Variants in UBE2R2 observed in about 807,000 individuals in gnomAD.
UBE2R2 encodes ubiquitin conjugating enzyme E2 R2, also known as ubiquitin-conjugating enzyme E2 R2.
A neutral mutation model predicts 27.8 loss-of-function variants in UBE2R2; 1 was observed. The observed-to-expected ratio is 0.04, with a 90% CI of 0.01 to 0.17. The LOEUF (loss-of-function observed/expected upper bound fraction) is 0.17. Ranked by LOEUF, UBE2R2 falls within the 10% of genes least tolerant of loss-of-function variation. The pLI is 1.00. For synonymous variants in UBE2R2, 106 were observed against 113.3 expected, an observed-to-expected ratio of 0.94 and a Z score of 0.41; for missense variants, 100 against 291.0, an observed-to-expected ratio of 0.34 and a Z score of 4.78.
Position 33,887,112 on chromosome 9 carries a change from T to C in UBE2R2, c.264+145T>C, listed in dbSNP as rs1821877363. On this transcript the variant is annotated intron_variant, in intron 2 of 4. Transcript: ENST00000263228. ...TGATTTTGCACTTCAGTTAACAGTT[T>C]CTGGATTAATTATTTAACATTAGTG... 9 of 660,436 alleles carry C rather than the reference T, an allele frequency of 1.4e-5. No homozygotes were observed. In the South Asian group the frequency reaches 1.7e-4, roughly 13 times the overall value. 40.9% of individuals were successfully genotyped at this position (660,436 alleles called of 1,614,324 possible). A position where few individuals can be genotyped will look rare whatever the true frequency, so the allele number is the denominator to read the frequency against.
In UBE2R2 at chr9:33,914,874, C is replaced by T. The variant is rs111983567; in HGVS notation, c.498-2144C>T. Among the ~76,000 whole-genome samples, 435 of 151,546 alleles carry T rather than the reference C, an allele frequency of 2.9e-3. 7 individuals are homozygous for T. The highest frequency in any genetic ancestry group is 9.8e-3 in the African/African-American group (406 of 41,328). ...ACAGTCAGCTGGGCACAGTGGCTCA[C>T]GCCTGTAATCCCAGGACTTTGGGAG... is the stretch of plus-strand genomic sequence containing the variant. On this transcript the variant is annotated intron_variant, in intron 4 of 4. Coordinates refer to ENST00000263228, the MANE Select transcript of UBE2R2 (RefSeq NM_017811.4).
intron 1 of UBE2R2, among the ~76,000 whole-genome samples, chr9:33,862,940 C>G (rs181477651): frequency 6.6e-6 from 1 of 152,078 alleles, no homozygotes; most frequent in East Asian, 1.9e-4. Context: ...TGGCTCACAT[C>G]TGCTTTGGGA....
At chr9:33,899,536 G>A (rs1378410005) in intron 2 of UBE2R2, among the ~76,000 whole-genome samples, 3 of 152,092 alleles carry the variant, frequency 2.0e-5, no homozygotes, top group Admixed American at 6.6e-5. Flanking sequence ...TACCACGCCC[G>A]GCTAATTTTT....
At chr9:33,915,295 G>A (rs1822615677) in intron 4 of UBE2R2, among the ~76,000 whole-genome samples, 1 of 152,124 alleles carries the variant, frequency 6.6e-6, no homozygotes, top group African/African-American at 2.4e-5. Flanking sequence ...TTTATTCAGA[G>A]AAGTAAAATG....
At chr9:33,877,823 GTCTCTC>G (rs1554675184) in intron 1 of UBE2R2, among the ~76,000 whole-genome samples, 8 of 131,098 alleles carry the variant, frequency 6.1e-5, no homozygotes, top group Admixed American at 1.5e-4. Flanking sequence ...CTGTCTGTCT[GTCTCTC>G]TCTCTCTCTC....
At position 33,846,393 on chromosome 9, in the gene UBE2R2, A is replaced by AT. The variant is rs554745705; in HGVS notation, c.177+28467dup. 2.5e-3 allele frequency among the ~76,000 whole-genome samples: 380 copies of AT among 152,026 alleles called. 3 individuals carry two copies. Among genetic ancestry groups the AT allele is most frequent in the African/African-American group, 8.2e-3 (341 of 41,478 alleles). On this transcript the variant is annotated intron_variant, in intron 1 of 4. Coordinates refer to ENST00000263228, the MANE Select transcript of UBE2R2 (RefSeq NM_017811.4). ...ATTTGGTAATGTCTATGAATAGTGT[A>AT]TTTTTTTTAGGATAGTTACATTGTC...
intron 1 of UBE2R2, among the ~76,000 whole-genome samples, chr9:33,863,962 G>A (rs911698505): frequency 5.9e-5 from 9 of 151,926 alleles, no homozygotes; most frequent in African/African-American, 1.7e-4. Flanking sequence ...CTGGGATTAC[G>A]GGCATGTACC....
intron 1 of UBE2R2, among the ~76,000 whole-genome samples, chr9:33,828,941 G>T (rs964042732): frequency 2.0e-5 from 3 of 152,008 alleles, no homozygotes; most frequent in Non-Finnish European, 1.5e-5. Context: ...CACCCTGTTG[G>T]CCAGACTCGT....
At chr9:33,832,668 A>G (rs1820520076) in intron 1 of UBE2R2, among the ~76,000 whole-genome samples, 1 of 151,970 alleles carries the variant, frequency 6.6e-6, no homozygotes, top group South Asian at 2.1e-4. Flanking sequence ...TAAAAAAAAA[A>G]AAAAGAAAGA....
intron 1 of UBE2R2, among the ~76,000 whole-genome samples, chr9:33,847,747 ATT>A (rs367991925): frequency 0.11 from 11,478 of 104,974 alleles, 381 homozygotes; most frequent in Non-Finnish European, 0.12. Context: ...TTGACCTGAA[ATT>A]TTTTTTTTTT....
At chr9:33,854,742 A>G (rs1195310579) in intron 1 of UBE2R2, among the ~76,000 whole-genome samples, 1 of 148,562 alleles carries the variant, frequency 6.7e-6, no homozygotes, top group Admixed American at 6.7e-5. Flanking sequence ...TTTCCAAGAC[A>G]GGGTCTCACT....
In UBE2R2 at chr9:33,817,282, C is replaced by G. The variant is rs1587417231; in HGVS notation, c.-476C>G. Among the ~76,000 whole-genome samples, 1 of 150,212 alleles carries G rather than the reference C, an allele frequency of 6.7e-6. No individual in the cohort carries two copies. The stretch of plus-strand genomic sequence containing the variant: ...GCGAGACCCCCGCACGCCGCTCTCC[C>G]CCCACCCTCTCCTGCCCCGCGCGCC... On this transcript the variant is annotated 5_prime_UTR_variant, in exon 1 of 5. Transcript: ENST00000263228.
Position 33,817,663 on chromosome 9 carries a change from C to T in UBE2R2, c.-95C>T. 1 of 1,168,372 alleles carries T rather than the reference C, an allele frequency of 8.6e-7. No individual in the cohort carries two copies. The highest frequency in any genetic ancestry group is 1.1e-6 in the Non-Finnish European group (1 of 949,368). 72.4% of individuals were successfully genotyped at this position (1,168,372 alleles called of 1,614,324 possible). A position where few individuals can be genotyped will look rare whatever the true frequency, so the allele number is the denominator to read the frequency against. On this transcript the variant is annotated 5_prime_UTR_variant, in exon 1 of 5. Coordinates refer to ENST00000263228, the MANE Select transcript of UBE2R2 (RefSeq NM_017811.4). ...AGACCGGGGCCCGGTGCTGCCCGGC[C>T]GGAGGGCGAGCGGAGGGGAGGGGCC...
intron 3 of UBE2R2, among the ~76,000 whole-genome samples, chr9:33,911,419 A>AAAAC (rs1822485558): frequency 2.1e-5 from 3 of 142,680 alleles, no homozygotes; most frequent in Non-Finnish European, 4.8e-5. Context: ...AAAAAAAAAA[A>AAAAC]AAAAAAAAAA....
chr9:33,827,877 G>A lies in UBE2R2; in HGVS notation c.177+9943G>A, dbSNP rs537753433. ...TCTCAGCTACTCAAGAGGCTGAGGC[G>A]GGTGAATTGCTTGAACCCGGGAGGC... is the stretch of plus-strand genomic sequence containing the variant. On this transcript the variant is annotated intron_variant, in intron 1 of 4. Transcript: ENST00000263228. Among the ~76,000 whole-genome samples the A allele has an allele frequency of 5.1e-4, 77 of 151,274 alleles. 1 individual carries two copies. In the South Asian group the frequency reaches 0.014, roughly 28 times the overall value.
intron 1 of UBE2R2, among the ~76,000 whole-genome samples, chr9:33,818,378 TG>T (rs1395339283): frequency 1.9e-3 from 6 of 3,220 alleles, no homozygotes; most frequent in African/African-American, 2.3e-3. Flanking sequence ...GGGGTGGGGG[TG>T]GGGGTGGGGT....
chr9:33,861,583 C>T (rs929604329), intron 1 of UBE2R2, among the ~76,000 whole-genome samples: 1 of 151,262 alleles, frequency 6.6e-6, no homozygotes, highest in Non-Finnish European at 1.5e-5. Context: ...CAGAGTGAGA[C>T]CCTGTCTCAA....
chr9:33,893,697 A>T (rs1262317559), intron 2 of UBE2R2, among the ~76,000 whole-genome samples: 1 of 152,040 alleles, frequency 6.6e-6, no homozygotes, highest in African/African-American at 2.4e-5. Flanking sequence ...TGCAGTCAGG[A>T]TTTCAGTTCA....
At chr9:33,911,163 C>T (rs1036154720) in intron 3 of UBE2R2, among the ~76,000 whole-genome samples, 3 of 151,676 alleles carry the variant, frequency 2.0e-5, no homozygotes, top group Non-Finnish European at 4.4e-5. Context: ...AATCGTAGCA[C>T]TTTGGGAGGT....
Sources: gnomAD v4.1 joint callset for allele counts (sites outside exome capture counted in the v4.1 genomes callset) on GRCh38, gnomAD v4.1.1 for gene constraint, MANE v1.5 for transcripts, NCBI Gene and HGNC (gene_info 2026-07-23, HGNC 2026-07-21) for gene names.